The following FTO variants were observed in gnomAD, a reference collection of about 807,000 sequenced individuals.
The protein encoded by FTO is FTO alpha-ketoglutarate dependent dioxygenase, also known as alpha-ketoglutarate-dependent dioxygenase FTO.
Under a neutral mutation model 63.9 loss-of-function variants are expected in FTO, and 47 were observed. The observed-to-expected ratio is 0.74, with a 90% confidence interval of 0.58 to 0.94. The LOEUF is 0.94. Among genes scored for constraint, FTO ranks in the 40% least tolerant of loss-of-function variants. The pLI is 0.00. For synonymous variants in FTO, 207 were observed against 224.4 expected (o/e 0.92, Z 0.69); for missense variants, 562 against 618.1 (o/e 0.91, Z 0.96).
intron 3 of FTO, among the ~76,000 whole-genome samples, chr16:53,841,602 T>A (rs1420741755): frequency 6.6e-6 from 1 of 152,234 alleles, no homozygotes; most frequent in East Asian, 1.9e-4. Flanking sequence ...TAGTGCAAAT[T>A]AATGTGAATG....
intron 1 of FTO, among the ~76,000 whole-genome samples, chr16:53,781,476 A>T (rs1471572300): frequency 1.3e-5 from 2 of 152,184 alleles, no homozygotes; most frequent in Non-Finnish European, 2.9e-5. Flanking sequence ...CACACCCACC[A>T]CATTCAGTGG....
At chr16:53,823,676 G>C (rs2078927020) in intron 2 of FTO, among the ~76,000 whole-genome samples, 1 of 152,108 alleles carries the variant, frequency 6.6e-6, no homozygotes, top group Admixed American at 6.5e-5. Flanking sequence ...AATCTGGAAT[G>C]TATTCTTAAC....
Position 53,720,469 on chromosome 16 carries a change from G to A in FTO, c.45+16240G>A, listed in dbSNP as rs28626264. ...GTTCTTAGGAACAGAAACTTATTTT[G>A]AAATAGACAATATTGTACATATTCA... On this transcript the variant is annotated intron_variant, in intron 1 of 8. Coordinates refer to ENST00000471389, the MANE Select transcript of FTO (RefSeq NM_001080432.3). 3.3e-3 allele frequency among the ~76,000 whole-genome samples: 500 copies of A among 151,580 alleles called. 4 individuals are homozygous for A. Among genetic ancestry groups the A allele is most frequent in the African/African-American group, 0.011 (448 of 41,386 alleles).
intron 8 of FTO, among the ~76,000 whole-genome samples, chr16:54,111,003 C>T (rs1353097294): frequency 6.6e-6 from 1 of 152,124 alleles, no homozygotes; most frequent in South Asian, 2.1e-4. Flanking sequence ...GGTGTAAGAA[C>T]GTTGCCCCAA....
chr16:54,028,559 A>G (rs1188697102), intron 8 of FTO, among the ~76,000 whole-genome samples: 4 of 152,208 alleles, frequency 2.6e-5, no homozygotes, highest in African/African-American at 9.7e-5. Context: ...TTGTTAAACG[A>G]TACTACCGAT....
At chr16:53,945,649 A>G (rs759235873) in intron 8 of FTO, among the ~76,000 whole-genome samples, 27 of 152,174 alleles carry the variant, frequency 1.8e-4, no homozygotes, top group Non-Finnish European at 2.1e-4. Flanking sequence ...TGCATTATCA[A>G]TCTCCCTGCC....
At chr16:53,879,502 C>A (rs1845083869) in intron 5 of FTO, among the ~76,000 whole-genome samples, 1 of 151,842 alleles carries the variant, frequency 6.6e-6, no homozygotes, top group South Asian at 2.1e-4. Flanking sequence ...ATAGCAAGAT[C>A]CTGTCTCTCT....
At chr16:53,822,876 T>C (rs1029661290) in intron 2 of FTO, among the ~76,000 whole-genome samples, 11 of 152,300 alleles carry the variant, frequency 7.2e-5, no homozygotes, top group African/African-American at 2.4e-4. Flanking sequence ...TCGACTTCTT[T>C]GGTTATTCAC....
At chr16:54,003,440 A>C (rs1221622149) in intron 8 of FTO, among the ~76,000 whole-genome samples, 1 of 152,250 alleles carries the variant, frequency 6.6e-6, no homozygotes, top group South Asian at 2.1e-4. Flanking sequence ...GCACATATAG[A>C]AAGATGAGGT....
intron 1 of FTO, among the ~76,000 whole-genome samples, chr16:53,797,826 A>G (rs2078114901): frequency 6.6e-6 from 1 of 152,066 alleles, no homozygotes; most frequent in South Asian, 2.1e-4. Flanking sequence ...CATGAAGTTT[A>G]TCCTTTTTTT....
intron 1 of FTO, among the ~76,000 whole-genome samples, chr16:53,750,797 A>G (rs576311733): frequency 6.6e-6 from 1 of 152,360 alleles, no homozygotes; most frequent in South Asian, 2.1e-4. Context: ...TCAGTCTAGC[A>G]TGGTACATGG....
chr16:54,074,511 TA>T (rs1284787667), intron 8 of FTO, among the ~76,000 whole-genome samples: 1 of 152,200 alleles, frequency 6.6e-6, no homozygotes, highest in Non-Finnish European at 1.5e-5. Flanking sequence ...TCTTTTCACT[TA>T]CTATATCATA....
chr16:54,102,837 G>T (rs1462414863), intron 8 of FTO, among the ~76,000 whole-genome samples: 1 of 152,118 alleles, frequency 6.6e-6, no homozygotes, highest in Non-Finnish European at 1.5e-5. Flanking sequence ...CCAGGCAGCA[G>T]AGTTATCTAT....
chr16:54,087,598 T>C (rs1339501707), intron 8 of FTO, among the ~76,000 whole-genome samples: 3 of 152,156 alleles, frequency 2.0e-5, no homozygotes, highest in Admixed American at 2.0e-4. Context: ...AACCAACAAG[T>C]TCGAGACCAG....
chr16:53,829,965 A>G (rs1381683502), intron 3 of FTO, among the ~76,000 whole-genome samples: 1 of 152,054 alleles, frequency 6.6e-6, no homozygotes, highest in Admixed American at 6.5e-5. Context: ...AGGTTCACGT[A>G]AAATGCACTG....
intron 7 of FTO, among the ~76,000 whole-genome samples, chr16:53,911,024 C>G (rs1279406021): frequency 6.6e-6 from 1 of 152,204 alleles, no homozygotes; most frequent in South Asian, 2.1e-4. Context: ...AGCCGGTATA[C>G]CGAACATCTC....
At chr16:54,059,524 T>C (rs1258582835) in intron 8 of FTO, among the ~76,000 whole-genome samples, 2 of 152,176 alleles carry the variant, frequency 1.3e-5, no homozygotes, top group African/African-American at 2.4e-5. Flanking sequence ...ATGGCACTCA[T>C]AATTTCCTGT....
chr16:54,079,888 AGGAAC>A (rs1465835409), intron 8 of FTO, among the ~76,000 whole-genome samples: 1 of 152,104 alleles, frequency 6.6e-6, no homozygotes, highest in Non-Finnish European at 1.5e-5. Context: ...TCTTCTTTTT[AGGAAC>A]TAATTCACAT....
chr16:53,844,429 A>G, intron 4 of FTO, 131 bp downstream of exon 4: 1 of 741,882 alleles, frequency 1.3e-6, no homozygotes, highest in Non-Finnish European at 2.3e-6. Flanking sequence ...ACTTCTTTAT[A>G]AGAACATGTA....
Sources: gnomAD v4.1 joint callset for allele counts (sites outside exome capture counted in the v4.1 genomes callset) on GRCh38, gnomAD v4.1.1 for gene constraint, MANE v1.5 for transcripts, NCBI Gene and HGNC (gene_info 2026-07-23, HGNC 2026-07-21) for gene names.